SUN1: variants seen among roughly 807,000 people sequenced by gnomAD.
SUN1 encodes SUN domain-containing protein 1.
SUN1 carries 61 observed loss-of-function variants against 103.2 expected under a neutral mutation model. That is an observed-to-expected ratio of 0.59 (90% CI 0.48 to 0.73). SUN1 has a LOEUF of 0.73. Ranked by LOEUF, SUN1 falls within the 30% of genes least tolerant of loss-of-function variation. SUN1 has a pLI of 0.00. For synonymous variants in SUN1, 490 were observed against 425.7 expected (o/e 1.15, Z -1.86); for missense variants, 1,052 against 1,034.6 (o/e 1.02, Z -0.23).
intron 1 of SUN1, among the ~76,000 whole-genome samples, chr7:825,499 G>A (rs912401293): frequency 1.3e-5 from 2 of 152,198 alleles, no homozygotes; most frequent in African/African-American, 4.8e-5. Context: ...TTTTCGAGAA[G>A]TACTAAAAGC....
chr7:830,905 G>A (rs902238276), upstream of SUN1: 3 of 975,760 alleles, frequency 3.1e-6, no homozygotes, highest in Non-Finnish European at 3.7e-6. Context: ...GCTGCTGGGC[G>A]GGGCTGGGTT....
intron 5 of SUN1, chr7:850,319 C>A: frequency 2.6e-6 from 1 of 389,194 alleles, no homozygotes; most frequent in East Asian, 5.6e-5. Context: ...CTGCCACAGC[C>A]TCCTGAGTAG....
At chr7:828,378 T>G (rs539957151), upstream of SUN1, among the ~76,000 whole-genome samples, 1 of 151,818 alleles carries the variant, frequency 6.6e-6, no homozygotes, top group Admixed American at 6.6e-5. Context: ...TTCAATCAGT[T>G]CTCCTGCCTC....
At chr7:816,214 CAGGTGCAGA>C, upstream of SUN1, 1 of 190,368 alleles carries the variant, frequency 5.3e-6, no homozygotes, top group South Asian at 5.0e-5. Context: ...ACCCCTCCCC[CAGGTGCAGA>C]CCCCTCCCCC....
rs770044999 is a variant in SUN1, at chr7:860,204, T to C, written c.1601T>C (p.Leu534Pro). 1 of 1,614,264 alleles carries C rather than the reference T, an allele frequency of 6.2e-7. No individual in the cohort carries two copies. The change falls in exon 14 of 19, where the codon CTG becomes CCG. Residue 534 changes from leucine to proline, a missense_variant. Around this residue, in one of 2 missense-constraint regions of SUN1, gnomAD observed 846 missense variants for 774.5 expected, o/e 1.09. Coordinates refer to ENST00000401592, the MANE Select transcript of SUN1 (RefSeq NM_001130965.3). The stretch of plus-strand genomic sequence containing the variant: ...CAAGGCGGTTCTCTGGAACAGCTGC[T>C]GCAGAGGTTCTCATCACAGTTTGTG... ...DQQGGSLEQL[L>P]QRFSSQFVSK...
intron 1 of SUN1, among the ~76,000 whole-genome samples, chr7:825,896 G>GA (rs1791298373): frequency 8.2e-6 from 1 of 121,918 alleles, no homozygotes; most frequent in African/African-American, 2.8e-5. Context: ...ATTTAGTACT[G>GA]GTTTTTTTTT....
At chr7:871,520 C>T (rs188824491) in intron 17 of SUN1, among the ~76,000 whole-genome samples, 5 of 152,116 alleles carry the variant, frequency 3.3e-5, no homozygotes, top group African/African-American at 9.6e-5. Flanking sequence ...CCCGAGTAGC[C>T]GGGACCACAG....
At chr7:823,487 A>T (rs549746790) in intron 1 of SUN1, among the ~76,000 whole-genome samples, 1 of 152,278 alleles carries the variant, frequency 6.6e-6, no homozygotes, top group East Asian at 1.9e-4. Context: ...GAGGACATTC[A>T]TTGCAAGGAA....
At chr7:849,574 G>T (rs1340973020) in intron 5 of SUN1, 1 of 1,426,260 alleles carries the variant, frequency 7.0e-7, no homozygotes, top group East Asian at 3.7e-5. Context: ...AGAGAGGATG[G>T]CCACCTCAGT....
At chr7:815,855 A>T (rs1780206077), upstream of SUN1, 1 of 207,310 alleles carries the variant, frequency 4.8e-6, no homozygotes, top group Admixed American at 6.3e-5. Flanking sequence ...GCACGCCCGG[A>T]GCGGCGGGGA....
upstream of SUN1, among the ~76,000 whole-genome samples, chr7:830,197 A>G (rs116416316): frequency 1.5e-3 from 234 of 152,320 alleles, no homozygotes; most frequent in Middle Eastern, 6.8e-3. Context: ...CCTGTGGCCC[A>G]TGTGGGAGAG....
intron 15 of SUN1, among the ~76,000 whole-genome samples, chr7:864,554 CAAAAAA>C (rs551547626): frequency 7.4e-5 from 7 of 95,198 alleles, no homozygotes; most frequent in East Asian, 3.0e-4. Context: ...AACTTTATCT[CAAAAAA>C]AAAAAAAAAA....
At chr7:872,664 C>G in intron 18 of SUN1, 102 bp downstream of exon 18, 3 of 886,612 alleles carry the variant, frequency 3.4e-6, no homozygotes, top group Non-Finnish European at 5.3e-6. Context: ...AGCGTGAGGA[C>G]CATCCTTTGA....
chr7:818,474 TAG>T (rs1226772268), intron 1 of SUN1, among the ~76,000 whole-genome samples: 1 of 152,260 alleles, frequency 6.6e-6, no homozygotes, highest in Admixed American at 6.5e-5. Context: ...ACCTGTTGGC[TAG>T]TGTGAGTAAT....
At chr7:858,960 C>CCTGG (rs1381069178) in intron 13 of SUN1, among the ~76,000 whole-genome samples, 1 of 152,128 alleles carries the variant, frequency 6.6e-6, no homozygotes, top group Non-Finnish European at 1.5e-5. Context: ...TCAAGACCAG[C>CCTGG]CTGGCCAACA....
At chr7:835,968 G>T (rs558432001) in intron 1 of SUN1, among the ~76,000 whole-genome samples, 62 of 152,366 alleles carry the variant, frequency 4.1e-4, no homozygotes, top group African/African-American at 1.4e-3. Flanking sequence ...AGCAGGGGCA[G>T]ATGCTGCTGG....
intron 1 of SUN1, among the ~76,000 whole-genome samples, chr7:826,348 G>C (rs1173529563): frequency 1.1e-5 from 1 of 92,692 alleles, no homozygotes; most frequent in Non-Finnish European, 2.3e-5. Context: ...GATTGAGCGA[G>C]CATGTGTGTC....
upstream of SUN1, chr7:831,132 A>G: frequency 1.8e-6 from 1 of 552,012 alleles, no homozygotes; most frequent in African/African-American, 2.1e-5. Context: ...TTAAGTGATC[A>G]CAGTTAGTTT....
intron 17 of SUN1, 31 bp from the exon 18 acceptor site, chr7:872,439 C>A (rs367783724): frequency 3.9e-6 from 6 of 1,552,368 alleles, no homozygotes; most frequent in Admixed American, 1.9e-5. Flanking sequence ...TTTTTCCATT[C>A]GTTCATAATT....
Sources: allele counts gnomAD v4.1 joint callset (sites outside exome capture counted in the v4.1 genomes callset), GRCh38; gene constraint gnomAD v4.1.1; regional missense constraint gnomAD v4.1.1; transcripts MANE v1.5; gene names NCBI Gene and HGNC (gene_info 2026-07-23, HGNC 2026-07-21).